Variants in EYA2 observed in about 807,000 individuals in gnomAD.
EYA2 encodes the protein protein phosphatase EYA2.
In EYA2, 31 loss-of-function variants were observed where a neutral mutation model predicts 69.2. The observed-to-expected ratio is 0.45, with a 90% CI of 0.34 to 0.60. The LOEUF (loss-of-function observed/expected upper bound fraction) is 0.60, where lower values mean the gene tolerates loss of function less well. Among genes scored for constraint, EYA2 ranks in the 20% least tolerant of loss-of-function variants. The probability of loss-of-function intolerance (pLI) is 0.02; values close to 1 mark genes in which losing one functional copy is unlikely to be tolerated. For synonymous variants in EYA2, 257 were observed against 279.4 expected, an observed-to-expected ratio of 0.92 and a Z score of 0.80; for missense variants, 622 against 701.2, an observed-to-expected ratio of 0.89 and a Z score of 1.28.
At chr20:46,907,386 G>T (rs1471310848) in intron 1 of EYA2, among the ~76,000 whole-genome samples, 1 of 152,256 alleles carries the variant, frequency 6.6e-6, no homozygotes, top group Non-Finnish European at 1.5e-5. Flanking sequence ...ACAAGCCATT[G>T]ATGTTAGAAT....
intron 1 of EYA2, among the ~76,000 whole-genome samples, chr20:46,973,555 G>A (rs1001440353): frequency 4.6e-5 from 7 of 152,204 alleles, no homozygotes; most frequent in Non-Finnish European, 7.3e-5. Context: ...TTTAAATGAG[G>A]TGTGGTGGAG....
intron 5 of EYA2, among the ~76,000 whole-genome samples, chr20:47,061,734 G>T (rs756050494): frequency 2.6e-5 from 4 of 152,166 alleles, no homozygotes; most frequent in Non-Finnish European, 4.4e-5. Context: ...ATGATCCTAC[G>T]CTCATCTCAT....
intron 5 of EYA2, among the ~76,000 whole-genome samples, chr20:47,050,060 C>T (rs1341105748): frequency 6.6e-6 from 1 of 152,158 alleles, no homozygotes; most frequent in Non-Finnish European, 1.5e-5. Flanking sequence ...AGGGGCTGCA[C>T]GATGCTGATG....
At chr20:47,120,670 A>G (rs1376737160) in intron 9 of EYA2, among the ~76,000 whole-genome samples, 1 of 152,130 alleles carries the variant, frequency 6.6e-6, no homozygotes, top group Non-Finnish European at 1.5e-5. Flanking sequence ...GTTTTTTCCT[A>G]AGGTCTCAGT....
chr20:46,996,655 G>A (rs531810184), intron 2 of EYA2, among the ~76,000 whole-genome samples: 6 of 152,314 alleles, frequency 3.9e-5, no homozygotes, highest in Middle Eastern at 3.4e-3. Context: ...CAGGGACCCT[G>A]ACTGCCTTGG....
intron 1 of EYA2, among the ~76,000 whole-genome samples, chr20:46,951,521 G>A (rs1248791006): frequency 2.0e-5 from 3 of 152,178 alleles, no homozygotes; most frequent in African/African-American, 7.2e-5. Flanking sequence ...TGCTGGACAA[G>A]CAGAAGAGTG....
chr20:47,071,469 T>C (rs1423316285), intron 5 of EYA2, among the ~76,000 whole-genome samples: 1 of 151,966 alleles, frequency 6.6e-6, no homozygotes, highest in African/African-American at 2.4e-5. Context: ...GAAAACAGTT[T>C]GGCCATTTCT....
chr20:47,171,657 G>C (rs1339427173), intron 11 of EYA2, among the ~76,000 whole-genome samples: 1 of 152,124 alleles, frequency 6.6e-6, no homozygotes, highest in African/African-American at 2.4e-5. Context: ...AGGCAGCCTG[G>C]CTCTGGGACC....
intron 10 of EYA2, among the ~76,000 whole-genome samples, chr20:47,152,016 C>T (rs1468856584): frequency 2.6e-5 from 4 of 152,010 alleles, no homozygotes; most frequent in Admixed American, 1.3e-4. Context: ...AGTAGGTTAA[C>T]GTCGTCCATA....
At chr20:47,059,954 G>A (rs2030803836) in intron 5 of EYA2, among the ~76,000 whole-genome samples, 1 of 152,122 alleles carries the variant, frequency 6.6e-6, no homozygotes, top group South Asian at 2.1e-4. Context: ...GAAGCCCACA[G>A]CCCCCTCTAC....
intron 2 of EYA2, among the ~76,000 whole-genome samples, chr20:46,992,832 C>T (rs186732876): frequency 1.4e-4 from 22 of 152,242 alleles, no homozygotes; most frequent in Non-Finnish European, 2.4e-4. Context: ...AGGTGGTGAG[C>T]TCCAGAGACT....
chr20:46,982,728 A>G (rs1015142638), intron 1 of EYA2, among the ~76,000 whole-genome samples: 3 of 149,174 alleles, frequency 2.0e-5, no homozygotes, highest in Admixed American at 6.7e-5. Flanking sequence ...CAACTGATCT[A>G]TTGAGTTCTT....
chr20:47,169,070 C>A, intron 10 of EYA2, 69 bp from the exon 11 acceptor site: 1 of 1,480,412 alleles, frequency 6.8e-7, no homozygotes, highest in East Asian at 2.3e-5. Flanking sequence ...GAGGCCAACC[C>A]TTGAAGGCTA....
At chr20:46,930,342 A>G (rs1985614062) in intron 1 of EYA2, among the ~76,000 whole-genome samples, 1 of 152,238 alleles carries the variant, frequency 6.6e-6, no homozygotes, top group South Asian at 2.1e-4. Flanking sequence ...GCTTTTTATA[A>G]TATTATTTCC....
chr20:47,040,047 G>T (rs1984963544), intron 5 of EYA2, among the ~76,000 whole-genome samples: 1 of 151,746 alleles, frequency 6.6e-6, no homozygotes. Flanking sequence ...CACCATGTTG[G>T]CCAGGCTGGT....
chr20:46,946,601 G>T (rs1978471621), intron 1 of EYA2, among the ~76,000 whole-genome samples: 1 of 152,172 alleles, frequency 6.6e-6, no homozygotes, highest in Non-Finnish European at 1.5e-5. Context: ...AACATTTTCT[G>T]TAAAGGACCA....
rs557289544 is a variant in EYA2 at position 47,184,240 on chromosome 20, T to G, written c.1536+849T>G. ...TGCTTCTGAGAGAGAAGGGGAGAAG[T>G]GATATTGAGGGGCAGCTGCCAGGGT... On this transcript the variant is annotated intron_variant, in intron 15 of 15. Coordinates refer to ENST00000327619, the MANE Select transcript of EYA2 (RefSeq NM_005244.5). Among the ~76,000 whole-genome samples, 6 of 151,996 alleles carry G rather than the reference T, an allele frequency of 3.9e-5. No homozygotes were observed. The East Asian group carries it at 1.2e-3, about 29-fold the overall frequency.
At chr20:46,961,035 T>C (rs1979443634) in intron 1 of EYA2, among the ~76,000 whole-genome samples, 1 of 152,100 alleles carries the variant, frequency 6.6e-6, no homozygotes, top group African/African-American at 2.4e-5. Context: ...AGTCCTATTA[T>C]CAAAAAGACC....
chr20:46,932,754 C>T (rs1291112991), intron 1 of EYA2, among the ~76,000 whole-genome samples: 1 of 152,070 alleles, frequency 6.6e-6, no homozygotes, highest in Non-Finnish European at 1.5e-5. Flanking sequence ...GGCGTGGTGG[C>T]GGGTGCCTGT....
Sources: allele counts gnomAD v4.1 joint callset (sites outside exome capture counted in the v4.1 genomes callset), GRCh38; gene constraint gnomAD v4.1.1; transcripts MANE v1.5; gene names NCBI Gene and HGNC (gene_info 2026-07-23, HGNC 2026-07-21).